The following NDUFAF6 variants were observed in gnomAD, a reference collection of about 807,000 sequenced individuals.
NDUFAF6 encodes NADH:ubiquinone oxidoreductase complex assembly factor 6, also known as NADH dehydrogenase (ubiquinone) complex I, assembly factor 6.
NDUFAF6 carries 45 observed loss-of-function variants against 40.8 expected under a neutral mutation model. The observed-to-expected ratio is 1.10, with a 90% confidence interval of 0.87 to 1.42. The LOEUF is 1.42. Among genes scored for constraint, NDUFAF6 ranks in the 40% most tolerant of loss-of-function variants. The pLI is 0.00. For synonymous variants in NDUFAF6, 185 were observed against 155.9 expected, an observed-to-expected ratio of 1.19 and a Z score of -1.39; for missense variants, 435 against 418.5, an observed-to-expected ratio of 1.04 and a Z score of -0.34.
intron 4 of NDUFAF6, among the ~76,000 whole-genome samples, chr8:95,044,766 T>C (rs1312362873): frequency 6.6e-6 from 1 of 152,056 alleles, no homozygotes; most frequent in East Asian, 1.9e-4. Flanking sequence ...TCTTTTTTTT[T>C]TTTTTAAACC....
chr8:95,085,169 T>G (rs1417657850), intron 2 of NDUFAF6, among the ~76,000 whole-genome samples: 2 of 152,220 alleles, frequency 1.3e-5, no homozygotes, highest in Non-Finnish European at 2.9e-5. Flanking sequence ...GCTTCAAGGA[T>G]AGGCCCTAAC....
At chr8:94,915,733 A>G (rs1313508969) in intron 1 of NDUFAF6, among the ~76,000 whole-genome samples, 1 of 152,130 alleles carries the variant, frequency 6.6e-6, no homozygotes, top group African/African-American at 2.4e-5. Flanking sequence ...AGCATCTGTT[A>G]TTTTCAGGGC....
upstream of NDUFAF6, among the ~76,000 whole-genome samples, chr8:94,953,263 C>G (rs1822777916): frequency 6.6e-6 from 1 of 151,800 alleles, no homozygotes; most frequent in Non-Finnish European, 1.5e-5. Flanking sequence ...AGGAGAATCG[C>G]TTGAACCGGG....
intron 2 of NDUFAF6, among the ~76,000 whole-genome samples, chr8:94,946,070 G>A (rs964732446): frequency 1.3e-5 from 2 of 150,522 alleles, no homozygotes; most frequent in Non-Finnish European, 1.5e-5. Context: ...CCATTGCCTT[G>A]TTCCCACCAC....
At chr8:94,931,624 A>C (rs2467676) in intron 1 of NDUFAF6, among the ~76,000 whole-genome samples, 117,642 of 151,640 alleles carry the variant, frequency 0.78, 47,080 homozygotes, top group East Asian at 0.89. Flanking sequence ...AATTTTTTTA[A>C]AGTAGAATTT....
intron 6 of NDUFAF6, among the ~76,000 whole-genome samples, chr8:95,048,253 T>TC (rs1218622459): frequency 6.6e-6 from 1 of 152,102 alleles, no homozygotes; most frequent in Non-Finnish European, 1.5e-5. Context: ...TGTTTTTTTT[T>TC]CTCTCTCTCC....
At chr8:94,996,838 G>C (rs1032118536) in intron 2 of NDUFAF6, among the ~76,000 whole-genome samples, 1 of 152,148 alleles carries the variant, frequency 6.6e-6, no homozygotes, top group African/African-American at 2.4e-5. Flanking sequence ...GGTACAGAAG[G>C]AAGAACACAT....
At position 95,045,591 on chromosome 8, in the gene NDUFAF6, A is replaced by C; in HGVS notation, c.524A>C (p.Glu175Ala). The C allele has an allele frequency of 4.3e-6, 7 of 1,613,566 alleles. No individual in the cohort carries two copies. The highest frequency in any genetic ancestry group is 5.9e-6 in the Non-Finnish European group (7 of 1,179,690). Residue 175 changes from glutamate (E) to alanine (A), a missense_variant, in exon 5 of 9, where the codon GAA (glutamate) becomes GCA (alanine). By Grantham distance (107) the Glu-to-Ala change is moderately radical (BLOSUM62 -1). Transcript: ENST00000396124. ...DKAYRNIKEL[E>A]NYAENTQSSL... ...GCATATCGTAATATCAAGGAACTGG[A>C]AAATTATGCTGAAAACACACAGAGC... is the stretch of plus-strand genomic sequence containing the variant.
At position 95,025,072 on chromosome 8, in the gene NDUFAF6, TGCCGCCG is replaced by T; in HGVS notation, c.71_77del (p.Arg24LeufsTer65). On this transcript the variant is annotated frameshift_variant, in exon 1 of 9. Coordinates refer to ENST00000396124, the MANE Select transcript of NDUFAF6 (RefSeq NM_152416.4). LOFTEE classifies it high-confidence loss of function. ...GCGGCTTGGCATCCCCGGCCTGTGC[TGCCGCCG>T]GCCGCCTCTGGGTCTGTACGCGCGC... 1 of 1,443,752 alleles carries T rather than the reference TGCCGCCG, an allele frequency of 6.9e-7. No individual in the cohort carries two copies. The highest frequency in any genetic ancestry group is 9.0e-7 in the Non-Finnish European group (1 of 1,109,282). The allele number at this position is 1,443,752 out of a possible 1,614,324, so 89.4% of individuals were successfully genotyped here. A position where few individuals can be genotyped will look rare whatever the true frequency, so the allele number is the denominator to read the frequency against.
intron 2 of NDUFAF6, among the ~76,000 whole-genome samples, chr8:95,001,822 G>A (rs1429968595): frequency 1.3e-5 from 2 of 152,242 alleles, no homozygotes; most frequent in Non-Finnish European, 2.9e-5. Context: ...GATATTCCCA[G>A]AGCATCTGCA....
chr8:94,925,549 C>CTTTTT (rs1287916481), intron 1 of NDUFAF6, among the ~76,000 whole-genome samples: 13 of 135,432 alleles, frequency 9.6e-5, no homozygotes, highest in African/African-American at 3.1e-4. Flanking sequence ...AAAAGAAATC[C>CTTTTT]TTTTTTTTTT....
chr8:94,938,924 G>A (rs1022858628), intron 1 of NDUFAF6, among the ~76,000 whole-genome samples: 1 of 152,190 alleles, frequency 6.6e-6, no homozygotes, highest in Non-Finnish European at 1.5e-5. Flanking sequence ...GAAATGGGAG[G>A]CAGTCTTTTG....
chr8:94,902,225 C>T (rs961932878), intron 1 of NDUFAF6, among the ~76,000 whole-genome samples: 1 of 148,756 alleles, frequency 6.7e-6, no homozygotes. Flanking sequence ...TCAAAACCAG[C>T]CTGGCCAACA....
intron 3 of NDUFAF6, chr8:95,036,340 A>G: frequency 4.7e-6 from 6 of 1,288,676 alleles, no homozygotes; most frequent in Non-Finnish European, 6.1e-6. Context: ...GGAGCCACCC[A>G]CAGACCTGAC....
intron 3 of NDUFAF6, 46 bp downstream of exon 3, chr8:95,035,622 G>T (rs758171630): frequency 6.4e-7 from 1 of 1,569,998 alleles, no homozygotes; most frequent in East Asian, 2.3e-5. Context: ...AATATTATTC[G>T]AGTCTACTTT....
intron 1 of NDUFAF6, chr8:94,927,711 G>A (rs1405152679): frequency 1.3e-5 from 2 of 152,210 alleles, no homozygotes; most frequent in Non-Finnish European, 2.9e-5. Flanking sequence ...AACAAACTTT[G>A]AGAAACATGG....
intron 2 of NDUFAF6, chr8:94,949,489 G>C (rs1013258712): frequency 8.6e-4 from 131 of 152,148 alleles, no homozygotes; most frequent in African/African-American, 2.9e-3. Flanking sequence ...CCCTGCGAGA[G>C]GTTGTCACCA....
intron 2 of NDUFAF6, among the ~76,000 whole-genome samples, chr8:95,006,679 G>A (rs756158184): frequency 6.6e-6 from 1 of 152,012 alleles, no homozygotes; most frequent in Non-Finnish European, 1.5e-5. Flanking sequence ...TTAAGAGTTC[G>A]AGACCAGCCT....
chr8:95,107,775 A>G (rs16917343), downstream of NDUFAF6, among the ~76,000 whole-genome samples: 4,388 of 152,328 alleles, frequency 0.029, 200 homozygotes, highest in African/African-American at 0.1. Flanking sequence ...GTCATCAAGG[A>G]CATATGTAAG....
Sources: gnomAD v4.1 joint callset for allele counts (sites outside exome capture counted in the v4.1 genomes callset) on GRCh38, gnomAD v4.1.1 for gene constraint, MANE v1.5 for transcripts, NCBI Gene and HGNC (gene_info 2026-07-23, HGNC 2026-07-21) for gene names.